Variants in HTR4 observed in about 807,000 individuals in gnomAD.
HTR4 encodes 5-hydroxytryptamine receptor 4, also known as 5-hydroxytryptamine (serotonin) receptor 4, G protein-coupled.
In HTR4, 16 loss-of-function variants were observed where a neutral mutation model predicts 36.8. The observed-to-expected ratio is 0.43, with a 90% CI of 0.29 to 0.66. The LOEUF is 0.66. HTR4 is among the 30% of genes least tolerant of loss of function. The pLI, the probability that HTR4 is intolerant of heterozygous loss-of-function variation, is 0.13. For missense variants in HTR4, 438 were observed against 490.9 expected (o/e 0.89, Z 1.02); for synonymous variants, 189 against 185.1 (o/e 1.02, Z -0.17).
chr5:148,615,123 G>A (rs1466522680), intron 2 of HTR4, among the ~76,000 whole-genome samples: 11 of 150,674 alleles, frequency 7.3e-5, no homozygotes, highest in South Asian at 4.2e-4. Flanking sequence ...TCAGTGTGGC[G>A]ATTCCTCAGG....
At chr5:148,606,653 A>G (rs1752174611) in intron 2 of HTR4, among the ~76,000 whole-genome samples, 1 of 152,216 alleles carries the variant, frequency 6.6e-6, no homozygotes. Context: ...AGGAGAGAGA[A>G]TCATACATAT....
chr5:148,484,361 G>C, intron 6 of HTR4: 1 of 1,612,194 alleles, frequency 6.2e-7, no homozygotes. Flanking sequence ...AAATGTCTCT[G>C]TCAAACAGAA....
chr5:148,564,861 C>T (rs529534467), intron 2 of HTR4, among the ~76,000 whole-genome samples: 1 of 152,128 alleles, frequency 6.6e-6, no homozygotes, highest in Non-Finnish European at 1.5e-5. Flanking sequence ...CCTGTAATCC[C>T]AGCACTTTGG....
intron 1 of HTR4, among the ~76,000 whole-genome samples, chr5:148,639,072 T>A (rs1350701924): frequency 6.6e-6 from 1 of 151,736 alleles, no homozygotes; most frequent in Non-Finnish European, 1.5e-5. Context: ...AGAAAAAAAG[T>A]AAAAGAAAGG....
At chr5:148,562,362 G>C (rs926819860) in intron 2 of HTR4, among the ~76,000 whole-genome samples, 1 of 152,122 alleles carries the variant, frequency 6.6e-6, no homozygotes, top group Non-Finnish European at 1.5e-5. Context: ...ACCTATAAGA[G>C]CCTAAAAGGA....
chr5:148,484,233 C>T, intron 6 of HTR4: 1 of 1,599,730 alleles, frequency 6.3e-7, no homozygotes, highest in Non-Finnish European at 8.5e-7. Flanking sequence ...AAATGTTGAG[C>T]AAGATAAAAC....
At chr5:148,476,565 T>A, downstream of HTR4, 1 of 1,430,384 alleles carries the variant, frequency 7.0e-7, no homozygotes, top group Non-Finnish European at 9.1e-7. Context: ...GATTTGGGAC[T>A]GAAGGGGCAA....
At chr5:148,556,691 C>T (rs571102696) in intron 2 of HTR4, among the ~76,000 whole-genome samples, 17 of 152,250 alleles carry the variant, frequency 1.1e-4, no homozygotes, top group Admixed American at 5.2e-4. Context: ...CTTGATAAAA[C>T]GCAGATTCTG....
At chr5:148,620,065 C>CA (rs1459234481) in intron 2 of HTR4, among the ~76,000 whole-genome samples, 1 of 152,020 alleles carries the variant, frequency 6.6e-6, no homozygotes, top group African/African-American at 2.4e-5. Context: ...GTAATGTAAG[C>CA]AAAAGAGAGA....
chr5:148,554,063 TTTGTTGTTG>T (rs142810948), intron 2 of HTR4, among the ~76,000 whole-genome samples: 2 of 151,980 alleles, frequency 1.3e-5, no homozygotes, highest in Non-Finnish European at 2.9e-5. Flanking sequence ...AGGAATAAAG[TTTGTTGTTG>T]TTGTTGTTGT....
intron 6 of HTR4, chr5:148,484,439 C>A (rs1393985955): frequency 6.6e-7 from 1 of 1,509,738 alleles, no homozygotes; most frequent in African/African-American, 1.4e-5. Flanking sequence ...CTTACTTACA[C>A]AAGCTATGAG....
At chr5:148,570,315 C>T (rs1038737991) in intron 2 of HTR4, among the ~76,000 whole-genome samples, 33 of 152,138 alleles carry the variant, frequency 2.2e-4, no homozygotes, top group African/African-American at 7.5e-4. Flanking sequence ...CAGGCAGTCC[C>T]TTCCCTCAGG....
At chr5:148,636,170 A>T (rs1489894400) in intron 2 of HTR4, among the ~76,000 whole-genome samples, 1 of 152,170 alleles carries the variant, frequency 6.6e-6, no homozygotes, top group Admixed American at 6.5e-5. Flanking sequence ...AAGATATTTG[A>T]CAGCTCCTTT....
Position 148,481,681 on chromosome 5 carries a change from A to T in HTR4, c.*1522T>A. 2 of 1,481,734 alleles carry T rather than the reference A, an allele frequency of 1.3e-6. No homozygotes were observed. Among genetic ancestry groups the T allele is most frequent in the South Asian group, 2.7e-5 (2 of 73,512 alleles). 91.8% of individuals were successfully genotyped at this position (1,481,734 alleles called of 1,614,324 possible). A position where few individuals can be genotyped will look rare whatever the true frequency, so the allele number is the denominator to read the frequency against. ...AACTGACACCTTATAAGCAATAAGA[A>T]AAAAAGAGAATATGATAAATAATCC... On this transcript the variant is annotated 3_prime_UTR_variant, in exon 7 of 7. Coordinates refer to ENST00000377888, the MANE Select transcript of HTR4 (RefSeq NM_000870.7).
intron 5 of HTR4, among the ~76,000 whole-genome samples, chr5:148,517,591 A>C (rs1757815047): frequency 6.6e-6 from 1 of 151,218 alleles, no homozygotes; most frequent in Admixed American, 6.6e-5. Context: ...ATTTTGGGTC[A>C]TGTTTGGCTT....
At chr5:148,557,464 T>A (rs1342965552) in intron 2 of HTR4, among the ~76,000 whole-genome samples, 1 of 152,038 alleles carries the variant, frequency 6.6e-6, no homozygotes, top group Non-Finnish European at 1.5e-5. Context: ...AGTGAAGACG[T>A]CAAGTAGGCA....
intron 2 of HTR4, among the ~76,000 whole-genome samples, chr5:148,601,861 T>TA (rs1762009335): frequency 6.6e-6 from 1 of 152,178 alleles, no homozygotes; most frequent in Non-Finnish European, 1.5e-5. Flanking sequence ...CACAGGATGT[T>TA]ATGCTAAGTG....
intron 6 of HTR4, among the ~76,000 whole-genome samples, chr5:148,488,898 G>A (rs1756284811): frequency 6.6e-6 from 1 of 152,126 alleles, no homozygotes. Flanking sequence ...GATCAAATCA[G>A]GTGTGGCTGA....
downstream of HTR4, among the ~76,000 whole-genome samples, chr5:148,478,466 A>G (rs960364764): frequency 5.3e-5 from 8 of 152,290 alleles, no homozygotes; most frequent in South Asian, 1.5e-3. Context: ...ATGGAGGAAG[A>G]GATTTTCTAA....
Sources: gnomAD v4.1 joint callset for allele counts (sites outside exome capture counted in the v4.1 genomes callset) on GRCh38, gnomAD v4.1.1 for gene constraint, MANE v1.5 for transcripts, NCBI Gene and HGNC (gene_info 2026-07-23, HGNC 2026-07-21) for gene names.